MAN2A1: variants seen among roughly 807,000 people sequenced by gnomAD.
The protein encoded by MAN2A1 is alpha-mannosidase 2.
A neutral mutation model predicts 142.6 loss-of-function variants in MAN2A1; 76 were observed. The ratio of observed to expected loss-of-function variants is 0.53; its 90% CI spans 0.44 to 0.65. The LOEUF (loss-of-function observed/expected upper bound fraction) is 0.65. Ranked by LOEUF, MAN2A1 falls within the 30% of genes least tolerant of loss-of-function variation. The probability of loss-of-function intolerance (pLI) is 0.00; values close to 1 mark genes in which losing one functional copy is unlikely to be tolerated. For synonymous variants in MAN2A1, 559 were observed against 473.2 expected, an observed-to-expected ratio of 1.18 and a Z score of -2.35; for missense variants, 1,311 against 1,365.1, an observed-to-expected ratio of 0.96 and a Z score of 0.62.
chr5:109,748,596 T>C (rs1221834631), intron 4 of MAN2A1, among the ~76,000 whole-genome samples: 1 of 152,038 alleles, frequency 6.6e-6, no homozygotes, highest in African/African-American at 2.4e-5. Context: ...AAAAGTTAGA[T>C]TTTCTGTAAG....
rs1207925076 is a variant in MAN2A1, at chr5:109,755,464, T to C, written c.835+8T>C. 6.2e-7 allele frequency: 1 copy of C among 1,608,254 alleles called. No individual in the cohort carries two copies. Among genetic ancestry groups the C allele is most frequent in the Non-Finnish European group, 8.5e-7 (1 of 1,176,000 alleles). ...GGCTGGAAAATAATATAGGTATGTA[T>C]TGGTATATTCTTTATTTGGGCTATT... On this transcript the variant is annotated splice_region_variant and intron_variant, in intron 5 of 21. Coordinates refer to ENST00000261483, the MANE Select transcript of MAN2A1 (RefSeq NM_002372.4).
At chr5:109,718,927 G>A (rs1751527939) in intron 3 of MAN2A1, among the ~76,000 whole-genome samples, 1 of 151,888 alleles carries the variant, frequency 6.6e-6, no homozygotes, top group Non-Finnish European at 1.5e-5. Flanking sequence ...CTTTGGCGTA[G>A]GCTTTTCTTT....
chr5:109,691,021 TC>T (rs1330650223), intron 1 of MAN2A1, among the ~76,000 whole-genome samples: 4 of 152,230 alleles, frequency 2.6e-5, no homozygotes, highest in Non-Finnish European at 5.9e-5. Flanking sequence ...GGCTTTTTTT[TC>T]TTTTTCTTCC....
intron 16 of MAN2A1, among the ~76,000 whole-genome samples, chr5:109,834,842 C>T (rs935867795): frequency 3.3e-5 from 5 of 151,990 alleles, no homozygotes; most frequent in South Asian, 2.1e-4. Flanking sequence ...ACCCAGAAAT[C>T]GGCAGTGACT....
intron 16 of MAN2A1, among the ~76,000 whole-genome samples, chr5:109,836,437 C>T (rs1755057377): frequency 6.6e-6 from 1 of 152,152 alleles, no homozygotes; most frequent in Non-Finnish European, 1.5e-5. Flanking sequence ...TTTCTCTCCC[C>T]ACACGAGGGA....
At chr5:109,849,714 G>GT (rs142315700) in intron 19 of MAN2A1, among the ~76,000 whole-genome samples, 12,453 of 144,874 alleles carry the variant, frequency 0.086, 588 homozygotes, top group African/African-American at 0.15. Flanking sequence ...TTTTTTTTTT[G>GT]TTTTTTTTCA....
At chr5:109,777,246 C>T (rs1186947392) in intron 8 of MAN2A1, among the ~76,000 whole-genome samples, 4 of 152,036 alleles carry the variant, frequency 2.6e-5, no homozygotes, top group African/African-American at 7.2e-5. Context: ...TTTGTATTGT[C>T]AGGATTTTTG....
intron 9 of MAN2A1, among the ~76,000 whole-genome samples, chr5:109,782,140 A>G (rs568365622): frequency 7.2e-5 from 11 of 152,344 alleles, no homozygotes; most frequent in Non-Finnish European, 1.3e-4. Flanking sequence ...AGTCATCTGC[A>G]TAGAAGAACA....
chr5:109,857,124 A>G (rs1233762844), intron 20 of MAN2A1, among the ~76,000 whole-genome samples: 1 of 152,180 alleles, frequency 6.6e-6, no homozygotes, highest in African/African-American at 2.4e-5. Flanking sequence ...CTGGGGGTAG[A>G]GTGCTCCAGG....
chr5:109,716,099 T>A, intron 2 of MAN2A1, 21 bp from the exon 3 acceptor site: 1 of 1,546,446 alleles, frequency 6.5e-7, no homozygotes, highest in Non-Finnish European at 8.8e-7. Flanking sequence ...AACTTTAATT[T>A]TTTTTCTTTT....
chr5:109,853,634 G>T (rs116669348), intron 19 of MAN2A1: 1 of 152,126 alleles, frequency 6.6e-6, no homozygotes, highest in East Asian at 1.9e-4. Flanking sequence ...GATGAGGGAG[G>T]TGTTTTCTTT....
intron 16 of MAN2A1, among the ~76,000 whole-genome samples, chr5:109,836,749 C>T (rs1755067479): frequency 6.6e-6 from 1 of 152,112 alleles, no homozygotes; most frequent in Non-Finnish European, 1.5e-5. Context: ...TATATGTGTA[C>T]TCTTCTGACT....
chr5:109,816,784 G>T (rs4141495), intron 12 of MAN2A1, among the ~76,000 whole-genome samples: 26,053 of 152,068 alleles, frequency 0.17, 3,222 homozygotes, highest in East Asian at 0.64. Context: ...CTGGGGTACA[G>T]AAAAGCTTTA....
In MAN2A1 at chr5:109,754,894, G is replaced by A. The variant is rs113961135; in HGVS notation, c.708-435G>A. ...CGCATGCCTGTAATCCCGGTTACTC[G>A]GGAGGCTGAGGCAGGAGAATCGCTT... On this transcript the variant is annotated intron_variant, in intron 4 of 21. Transcript: ENST00000261483. 4.8e-4 allele frequency among the ~76,000 whole-genome samples: 73 copies of A among 152,330 alleles called. 1 individual carries two copies. The highest frequency in any genetic ancestry group is 1.7e-3 in the African/African-American group (69 of 41,586).
At chr5:109,726,797 G>A (rs185537699) in intron 3 of MAN2A1, among the ~76,000 whole-genome samples, 318 of 152,166 alleles carry the variant, frequency 2.1e-3, no homozygotes, top group Middle Eastern at 3.4e-3. Flanking sequence ...CTAGATTACT[G>A]GAGTTTTATT....
At chr5:109,751,206 C>CTT (rs879862344) in intron 4 of MAN2A1, among the ~76,000 whole-genome samples, 1 of 145,932 alleles carries the variant, frequency 6.9e-6, no homozygotes, top group African/African-American at 2.5e-5. Flanking sequence ...GTGAGATCAA[C>CTT]TTTTTTTTTT....
rs1401263391 is a variant in MAN2A1 at position 109,869,096 on chromosome 5, T to A, written c.*2098T>A. 1.3e-5 allele frequency: 2 copies of A among 152,202 alleles called. No homozygotes were observed. The highest frequency in any genetic ancestry group is 3.8e-4 in the East Asian group (2 of 5,202). 9.4% of individuals were successfully genotyped at this position (152,202 alleles called of 1,614,324 possible). On this transcript the variant is annotated 3_prime_UTR_variant, in exon 22 of 22. Coordinates refer to ENST00000261483, the MANE Select transcript of MAN2A1 (RefSeq NM_002372.4). The stretch of plus-strand genomic sequence containing the variant: ...TCTTTAACCAGCAAGTTTCTGCTTT[T>A]TAAGGTTACTTTTAGAATAAATCAT...
At position 109,690,499 on chromosome 5, in the gene MAN2A1, CG is replaced by C; in HGVS notation, c.86del (p.Gly29ValfsTer3). On this transcript the variant is annotated frameshift_variant, in exon 1 of 22. Coordinates refer to ENST00000261483, the MANE Select transcript of MAN2A1 (RefSeq NM_002372.4). LOFTEE classifies it high-confidence loss of function. ...TTTCTCGCTCTACCTGATGCTGGAC[CG>C]GGGTCACTTAGACTACCCCAGGAAC... ...VIFSLYLMLD[R>X]GHLDYPRNPR... 6.2e-7 allele frequency: 1 copy of C among 1,613,712 alleles called. No homozygotes were observed. The highest frequency in any genetic ancestry group is 1.3e-5 in the African/African-American group (1 of 75,024).
At chr5:109,744,139 A>T (rs556095931) in intron 4 of MAN2A1, among the ~76,000 whole-genome samples, 43 of 152,064 alleles carry the variant, frequency 2.8e-4, no homozygotes, top group Non-Finnish European at 5.9e-4. Context: ...TCTACCATTC[A>T]TTCAGCAAAT....
Sources: allele counts gnomAD v4.1 joint callset (sites outside exome capture counted in the v4.1 genomes callset), GRCh38; gene constraint gnomAD v4.1.1; transcripts MANE v1.5; gene names NCBI Gene and HGNC (gene_info 2026-07-23, HGNC 2026-07-21).